KIAA0586: variants seen among roughly 807,000 people sequenced by gnomAD.
KIAA0586 encodes protein TALPID3.
In KIAA0586, 144 loss-of-function variants were observed where a neutral mutation model predicts 169.8. The ratio of observed to expected loss-of-function variants is 0.85; its 90% CI spans 0.74 to 0.97. The LOEUF (loss-of-function observed/expected upper bound fraction) is 0.97. KIAA0586 is among the 50% of genes least tolerant of loss of function. The pLI, the probability that KIAA0586 is intolerant of heterozygous loss-of-function variation, is 0.00. For synonymous variants in KIAA0586, 625 were observed against 612.4 expected (o/e 1.02, Z -0.30); for missense variants, 1,854 against 1,823.0 (o/e 1.02, Z -0.31).
At chr14:58,430,565 A>G in intron 2 of KIAA0586, 83 bp from the exon 3 acceptor site, 1 of 761,886 alleles carries the variant, frequency 1.3e-6, no homozygotes, top group Non-Finnish European at 2.2e-6. Context: ...AGAACACAGT[A>G]GTCACATAGC....
downstream of KIAA0586, among the ~76,000 whole-genome samples, chr14:58,554,067 A>G (rs902177549): frequency 6.6e-6 from 1 of 152,174 alleles, no homozygotes; most frequent in African/African-American, 2.4e-5. Context: ...GTCTCTCATT[A>G]TCCAAGAGGC....
chr14:58,517,902 ATGGAAAAGGCAAAATTTAT>A lies in KIAA0586; in HGVS notation c.4429+5290_4429+5308del, dbSNP rs556831308. 1.3e-3 allele frequency among the ~76,000 whole-genome samples: 203 copies of A among 152,330 alleles called. 1 individual carries two copies. The highest frequency in any genetic ancestry group is 4.6e-3 in the African/African-American group (191 of 41,584). The stretch of plus-strand genomic sequence containing the variant: ...CTACATACTGTATGATTCCATTTAT[ATGGAAAAGGCAAAATTTAT>A]TGGAAAAGGCAAAACTATAGATATG... On this transcript the variant is annotated intron_variant, in intron 29 of 30. Coordinates refer to ENST00000652326, the MANE Select transcript of KIAA0586 (RefSeq NM_001329943.3).
intron 7 of KIAA0586, among the ~76,000 whole-genome samples, chr14:58,449,607 A>C (rs1187893580): frequency 6.6e-6 from 1 of 152,176 alleles, no homozygotes; most frequent in Non-Finnish European, 1.5e-5. Flanking sequence ...TGAAGAGAGG[A>C]CAGTGAAGCA....
chr14:58,557,485 G>A, the KIAA0586 span, among the ~76,000 whole-genome samples: 18 of 152,338 alleles, frequency 1.2e-4, 1 homozygote, highest in Admixed American at 2.0e-4. Context: ...AGCAGTAAGC[G>A]CTAGTCAGCC....
chr14:58,529,677 C>T (rs1378973874), intron 29 of KIAA0586, among the ~76,000 whole-genome samples: 1 of 152,134 alleles, frequency 6.6e-6, no homozygotes, highest in Non-Finnish European at 1.5e-5. Context: ...TAGAAACTCT[C>T]AATAAACTAT....
At chr14:58,554,172 C>T (rs1566974197), downstream of KIAA0586, among the ~76,000 whole-genome samples, 1 of 152,044 alleles carries the variant, frequency 6.6e-6, no homozygotes, top group South Asian at 2.1e-4. Context: ...CAAGCCTCTG[C>T]TTGTGTCATA....
chr14:58,558,189 T>A, the KIAA0586 span, among the ~76,000 whole-genome samples: 1 of 152,058 alleles, frequency 6.6e-6, no homozygotes, highest in Non-Finnish European at 1.5e-5. Context: ...GAGATTACAG[T>A]GGCAAGCCAC....
chr14:58,501,694 A>G (rs1165250340), intron 27 of KIAA0586, among the ~76,000 whole-genome samples: 1 of 152,246 alleles, frequency 6.6e-6, no homozygotes, highest in African/African-American at 2.4e-5. Context: ...CTAAGAGTTT[A>G]GGCTTTGAGA....
chr14:58,430,317 A>T (rs1305629446), intron 2 of KIAA0586, among the ~76,000 whole-genome samples: 1 of 152,144 alleles, frequency 6.6e-6, no homozygotes, highest in Non-Finnish European at 1.5e-5. Context: ...AGTGAGTCAG[A>T]TTTTCACATT....
chr14:58,529,408 G>C (rs2045812149), intron 29 of KIAA0586, among the ~76,000 whole-genome samples: 1 of 152,070 alleles, frequency 6.6e-6, no homozygotes, highest in African/African-American at 2.4e-5. Context: ...ACAAAAAAAA[G>C]AAAATTTCAG....
the KIAA0586 span, among the ~76,000 whole-genome samples, chr14:58,561,164 A>G: frequency 1.3e-5 from 2 of 152,224 alleles, no homozygotes; most frequent in Non-Finnish European, 2.9e-5. Context: ...CTGCATGATT[A>G]TTGCAGTCAC....
Position 58,460,071 on chromosome 14 carries a change from G to A in KIAA0586, c.1884+1G>A. Reference sequence around the variant, plus strand: ...AAGTTTACAGAAAGAGAGAAAGGAAGTAAGATCCTAATCTGTTCTTTTAAC... The same window carrying A: ...AAGTTTACAGAAAGAGAGAAAGGAAATAAGATCCTAATCTGTTCTTTTAAC... On this transcript the variant is annotated splice_donor_variant, in intron 13 of 30. Transcript: ENST00000652326. LOFTEE classifies it high-confidence loss of function. 1.4e-6 allele frequency: 2 copies of A among 1,435,838 alleles called. No homozygotes were observed. The highest frequency in any genetic ancestry group is 1.9e-6 in the Non-Finnish European group (2 of 1,061,132). 88.9% of individuals were successfully genotyped at this position (1,435,838 alleles called of 1,614,324 possible).
At chr14:58,498,039 A>G (rs989410351) in intron 26 of KIAA0586, among the ~76,000 whole-genome samples, 7 of 151,738 alleles carry the variant, frequency 4.6e-5, no homozygotes, top group Non-Finnish European at 1.0e-4. Context: ...CACCATGCCC[A>G]GCTAATTTTT....
intron 20 of KIAA0586, among the ~76,000 whole-genome samples, 157 bp from the exon 21 acceptor site, chr14:58,482,356 G>T (rs968876227): frequency 6.6e-6 from 1 of 152,000 alleles, no homozygotes; most frequent in Non-Finnish European, 1.5e-5. Context: ...AATCTGGGAG[G>T]TGGCAGTTGC....
intron 4 of KIAA0586, 92 bp from the exon 5 acceptor site, chr14:58,442,614 A>G: frequency 1.0e-6 from 1 of 987,646 alleles, no homozygotes; most frequent in South Asian, 2.1e-5. Context: ...AAAAATCAAA[A>G]CCACCTTCGG....
Position 58,450,665 on chromosome 14 carries a change from C to CACA in KIAA0586, c.1048_1049insACA (p.Pro350delinsHisThr), listed in dbSNP as rs1406399353. 1.2e-6 allele frequency: 2 copies of CACA among 1,608,916 alleles called. No homozygotes were observed. Among genetic ancestry groups the CACA allele is most frequent in the African/African-American group, 2.7e-5 (2 of 74,774 alleles). On this transcript the variant is annotated protein_altering_variant, in exon 8 of 31. Transcript: ENST00000652326. Reference sequence around the variant, plus strand: ...AGCACCTCGCAGATTTGCTCCTGTACCTGTTTCAAGGGATGATGAACTATC... The same window carrying CACA: ...AGCACCTCGCAGATTTGCTCCTGTACACACTGTTTCAAGGGATGATGAACTATC...
chr14:58,442,577 C>A, intron 4 of KIAA0586, 129 bp from the exon 5 acceptor site: 1 of 632,536 alleles, frequency 1.6e-6, no homozygotes, highest in Non-Finnish European at 2.7e-6. Context: ...AACCAAATGA[C>A]CTTGTTTGAT....
chr14:58,512,273 T>A (rs976609590), intron 28 of KIAA0586, among the ~76,000 whole-genome samples: 12 of 152,140 alleles, frequency 7.9e-5, no homozygotes, highest in African/African-American at 2.9e-4. Flanking sequence ...AGAAATGACT[T>A]GAATATTTGA....
intron 26 of KIAA0586, among the ~76,000 whole-genome samples, chr14:58,492,859 G>T (rs143902091): frequency 4.9e-4 from 75 of 152,338 alleles, no homozygotes; most frequent in African/African-American, 1.7e-3. Flanking sequence ...TGACAGCCAA[G>T]AAATATTAAA....
Sources: allele counts gnomAD v4.1 joint callset (sites outside exome capture counted in the v4.1 genomes callset), GRCh38; gene constraint gnomAD v4.1.1; transcripts MANE v1.5; gene names NCBI Gene and HGNC (gene_info 2026-07-23, HGNC 2026-07-21).